DGKD: variants seen among roughly 807,000 people sequenced by gnomAD.
DGKD encodes the protein DAG kinase delta.
DGKD carries 68 observed loss-of-function variants against 154.4 expected under a neutral mutation model. That is an observed-to-expected ratio of 0.44 (90% CI 0.36 to 0.54). The LOEUF (loss-of-function observed/expected upper bound fraction) is 0.54. DGKD is among the 20% of genes least tolerant of loss of function. The pLI is 0.00. For synonymous variants in DGKD, 693 were observed against 638.0 expected, an observed-to-expected ratio of 1.09 and a Z score of -1.30; for missense variants, 1,343 against 1,593.6, an observed-to-expected ratio of 0.84 and a Z score of 2.68.
chr2:233,436,351 A>C lies in DGKD; in HGVS notation c.729A>C (p.Leu243=). Residue 243 remains leucine, a synonymous_variant, in exon 7 of 30, where the codon CTA becomes CTC. Transcript: ENST00000264057. ...AMPHQWLEGN[L]PVSAKCTVCD... ...CCCACCAGTGGTTGGAAGGAAACCTACCTGTGAGCGCCAAGTGCACTGTGT... is the reference window on the plus strand; with the variant it reads ...CCCACCAGTGGTTGGAAGGAAACCTCCCTGTGAGCGCCAAGTGCACTGTGT... 1 of 1,614,178 alleles carries C rather than the reference A, an allele frequency of 6.2e-7. No homozygotes were observed. Among genetic ancestry groups the C allele is most frequent in the African/African-American group, 1.3e-5 (1 of 75,044 alleles).
At chr2:233,373,635 G>A (rs985783966) in intron 1 of DGKD, among the ~76,000 whole-genome samples, 1 of 152,202 alleles carries the variant, frequency 6.6e-6, no homozygotes, top group South Asian at 2.1e-4. Flanking sequence ...GAAAATACAG[G>A]ATTTAAGTTT....
intron 1 of DGKD, among the ~76,000 whole-genome samples, chr2:233,358,439 TA>T (rs1015376257): frequency 2.0e-5 from 3 of 152,162 alleles, no homozygotes; most frequent in Non-Finnish European, 4.4e-5. Flanking sequence ...GTAAAAAACT[TA>T]AAAAAATGCA....
chr2:233,462,523 G>A (rs1416894058), intron 25 of DGKD, 64 bp downstream of exon 25: 54 of 1,541,426 alleles, frequency 3.5e-5, no homozygotes, highest in South Asian at 6.8e-5. Flanking sequence ...GGCCCTCCCC[G>A]TGCGTGTTCA....
chr2:233,358,262 G>A (rs1189822118), intron 1 of DGKD, among the ~76,000 whole-genome samples: 1 of 152,222 alleles, frequency 6.6e-6, no homozygotes, highest in African/African-American at 2.4e-5. Flanking sequence ...GTGTAATTCT[G>A]CAAAGCTATC....
intron 1 of DGKD, among the ~76,000 whole-genome samples, chr2:233,376,399 C>T (rs73106660): frequency 0.015 from 2,253 of 152,128 alleles, 54 homozygotes; most frequent in African/African-American, 0.051. Context: ...TCTCTGGACC[C>T]CAATTTCTTC....
chr2:233,435,472 A>G (rs1405670430), intron 5 of DGKD, among the ~76,000 whole-genome samples: 3 of 152,234 alleles, frequency 2.0e-5, no homozygotes, highest in African/African-American at 7.2e-5. Context: ...TGAAAATTAC[A>G]TGAAATTCAA....
intron 10 of DGKD, among the ~76,000 whole-genome samples, chr2:233,443,744 A>G (rs533771270): frequency 2.6e-5 from 4 of 152,322 alleles, no homozygotes; most frequent in African/African-American, 9.6e-5. Flanking sequence ...GTGGATTAGC[A>G]TAGACTACTC....
rs993878980 is a variant in DGKD, at chr2:233,451,904, G to A, written c.2168-60G>A. 12 of 1,418,596 alleles carry A rather than the reference G, an allele frequency of 8.5e-6. No individual in the cohort carries two copies. The African/African-American group carries it at 1.4e-4, about 17-fold the overall frequency. 87.9% of individuals were successfully genotyped at this position (1,418,596 alleles called of 1,614,324 possible). A position where few individuals can be genotyped will look rare whatever the true frequency, so the allele number is the denominator to read the frequency against. ...CGGTCCACCAGCTTCAGAGACACGA[G>A]CTTCTCCTAAGGCTGTAGCTCCTGA... On this transcript the variant is annotated intron_variant, in intron 17 of 29. Coordinates refer to ENST00000264057, the MANE Select transcript of DGKD (RefSeq NM_152879.3).
chr2:233,420,343 C>CA (rs2062075052), intron 3 of DGKD, among the ~76,000 whole-genome samples: 1 of 152,092 alleles, frequency 6.6e-6, no homozygotes, highest in Non-Finnish European at 1.5e-5. Context: ...ATTTTTGTGC[C>CA]AAAACATTTA....
chr2:233,437,231 C>A (rs1355763112), intron 7 of DGKD, 146 bp from the exon 8 acceptor site: 9 of 708,890 alleles, frequency 1.3e-5, no homozygotes, highest in Non-Finnish European at 2.2e-5. Flanking sequence ...GCAGGCCGGC[C>A]CAGGGCCCCT....
intron 3 of DGKD, among the ~76,000 whole-genome samples, chr2:233,414,097 T>C (rs1392679677): frequency 6.6e-6 from 1 of 152,188 alleles, no homozygotes; most frequent in Non-Finnish European, 1.5e-5. Context: ...GAATGTGGTC[T>C]GAGATGCCCT....
In DGKD at chr2:233,469,598, A is replaced by C; in HGVS notation, c.*138A>C. 2.9e-6 allele frequency: 2 copies of C among 699,898 alleles called. No individual in the cohort carries two copies. The highest frequency in any genetic ancestry group is 1.8e-5 in the South Asian group (1 of 55,238). 43.4% of individuals were successfully genotyped at this position (699,898 alleles called of 1,614,324 possible). A position where few individuals can be genotyped will look rare whatever the true frequency, so the allele number is the denominator to read the frequency against. ...CAGCCCGCCCCCTTCTCATGGTGCT[A>C]CTTCCTCTGTCAGCTACAGAAAGCC... On this transcript the variant is annotated 3_prime_UTR_variant, in exon 30 of 30. Transcript: ENST00000264057.
chr2:233,393,334 C>CT (rs61587988), intron 3 of DGKD, among the ~76,000 whole-genome samples: 3,346 of 103,832 alleles, frequency 0.032, 75 homozygotes, highest in African/African-American at 0.066. Flanking sequence ...GGCCTGTTTC[C>CT]TTTTTTTTTT....
rs1266399038 is a variant in DGKD, at chr2:233,437,496, C to G, written c.922+17C>G. 3 of 1,609,226 alleles carry G rather than the reference C, an allele frequency of 1.9e-6. No individual in the cohort carries two copies. Among genetic ancestry groups the G allele is most frequent in the African/African-American group, 2.7e-5 (2 of 74,866 alleles). ...ACTCCGATGGTGGGTACCACACATG[C>G]TTATCCTTCTCATGCACGCCCACAC... On this transcript the variant is annotated intron_variant, in intron 8 of 29. Transcript: ENST00000264057.
intron 3 of DGKD, among the ~76,000 whole-genome samples, chr2:233,401,967 G>A (rs534666148): frequency 1.5e-5 from 2 of 135,848 alleles, no homozygotes; most frequent in Non-Finnish European, 3.1e-5. Flanking sequence ...ATAAACCATC[G>A]AGGGGCCCCT....
chr2:233,468,089 G>C (rs1296175924), intron 28 of DGKD, among the ~76,000 whole-genome samples: 2 of 151,998 alleles, frequency 1.3e-5, no homozygotes, highest in Admixed American at 1.3e-4. Flanking sequence ...ACAGATGCCA[G>C]CTCTGCTGCA....
At position 233,458,410 on chromosome 2, in the gene DGKD, G is replaced by C; in HGVS notation, c.2694+13G>C. On this transcript the variant is annotated intron_variant, in intron 22 of 29. Coordinates refer to ENST00000264057, the MANE Select transcript of DGKD (RefSeq NM_152879.3). This position sits in a 1 kb window ranked among gnomAD's most constrained non-coding sequence, Gnocchi z 6.6. The stretch of plus-strand genomic sequence containing the variant: ...TCGGATCGCCCAGGTAGTGGCCATG[G>C]TCCTGGGGTGTCTGGCCGAGTCCCC... 1 of 1,584,870 alleles carries C rather than the reference G, an allele frequency of 6.3e-7. No individual in the cohort carries two copies.
intron 26 of DGKD, 150 bp from the exon 27 acceptor site, chr2:233,464,014 T>G: frequency 3.6e-6 from 4 of 1,126,264 alleles, no homozygotes. Context: ...GTTTGGTTCC[T>G]TTTCTGGTGC....
intron 3 of DGKD, among the ~76,000 whole-genome samples, chr2:233,431,513 C>G (rs2062509014): frequency 1.3e-5 from 2 of 152,074 alleles, no homozygotes; most frequent in South Asian, 4.1e-4. Context: ...CCAAAAGACC[C>G]AGAATAGCCA....
Sources: allele counts gnomAD v4.1 joint callset (sites outside exome capture counted in the v4.1 genomes callset), GRCh38; gene constraint gnomAD v4.1.1; non-coding constraint Gnocchi (gnomAD v3.1); transcripts MANE v1.5; gene names NCBI Gene and HGNC (gene_info 2026-07-23, HGNC 2026-07-21).